PRKAA1: variants seen among roughly 807,000 people sequenced by gnomAD.
PRKAA1 encodes the protein protein kinase AMP-activated catalytic subunit alpha 1, also known as 5'-AMP-activated protein kinase catalytic subunit alpha-1.
A neutral mutation model predicts 56.9 loss-of-function variants in PRKAA1; 23 were observed. The ratio of observed to expected loss-of-function variants is 0.40; its 90% CI spans 0.29 to 0.57. The LOEUF is 0.57. Among genes scored for constraint, PRKAA1 ranks in the 20% least tolerant of loss-of-function variants. The pLI, the probability that PRKAA1 is intolerant of heterozygous loss-of-function variation, is 0.39. For missense variants in PRKAA1, 413 were observed against 679.7 expected (o/e 0.61, Z 4.36); for synonymous variants, 226 against 227.0 (o/e 1.00, Z 0.04).
intron 1 of PRKAA1, among the ~76,000 whole-genome samples, chr5:40,786,625 G>A (rs2112081483): frequency 6.6e-6 from 1 of 151,452 alleles, no homozygotes; most frequent in African/African-American, 2.4e-5. Context: ...CATACAATCT[G>A]AAGAAGAAAA....
intron 1 of PRKAA1, among the ~76,000 whole-genome samples, chr5:40,790,538 T>TTTTTTG (rs1554033607): frequency 3.4e-5 from 5 of 145,462 alleles, no homozygotes; most frequent in Non-Finnish European, 7.5e-5. Context: ...TTTTTTTTTT[T>TTTTTTG]TTGTTGTTGT....
chr5:40,786,408 T>G (rs1319021015), intron 1 of PRKAA1, among the ~76,000 whole-genome samples: 1 of 152,100 alleles, frequency 6.6e-6, no homozygotes, highest in African/African-American at 2.4e-5. Flanking sequence ...TGTAAGTCAT[T>G]GAGTCTGTGG....
At chr5:40,789,832 TTGGCC>T (rs1744643364) in intron 1 of PRKAA1, among the ~76,000 whole-genome samples, 1 of 152,264 alleles carries the variant, frequency 6.6e-6, no homozygotes, top group Non-Finnish European at 1.5e-5. Flanking sequence ...GATATACTAC[TTGGCC>T]TGATTTGATC....
intron 1 of PRKAA1, among the ~76,000 whole-genome samples, chr5:40,783,247 G>C (rs1744335366): frequency 6.6e-6 from 1 of 152,006 alleles, no homozygotes; most frequent in Non-Finnish European, 1.5e-5. Flanking sequence ...CAATTTCAGA[G>C]AACAGTTTAA....
intron 1 of PRKAA1, among the ~76,000 whole-genome samples, chr5:40,787,671 A>G (rs1344223093): frequency 6.6e-6 from 1 of 151,654 alleles, no homozygotes; most frequent in Non-Finnish European, 1.5e-5. Context: ...CCACAGGGTA[A>G]CTACAAAGCA....
At chr5:40,795,381 C>A (rs757811003) in intron 1 of PRKAA1, among the ~76,000 whole-genome samples, 2 of 152,052 alleles carry the variant, frequency 1.3e-5, no homozygotes, top group Non-Finnish European at 2.9e-5. Flanking sequence ...ACCCCAATAA[C>A]TTAAAGAAAA....
intron 3 of PRKAA1, among the ~76,000 whole-genome samples, chr5:40,774,749 C>T (rs1743915991): frequency 6.6e-6 from 1 of 152,072 alleles, no homozygotes; most frequent in Non-Finnish European, 1.5e-5. Flanking sequence ...GAAAAGCTCT[C>T]TTTTCAGGGC....
At chr5:40,779,807 G>A (rs1007687641) in intron 1 of PRKAA1, among the ~76,000 whole-genome samples, 1 of 152,090 alleles carries the variant, frequency 6.6e-6, no homozygotes, top group Non-Finnish European at 1.5e-5. Context: ...TTCATTTACT[G>A]AGCAAGTTTC....
chr5:40,769,902 C>T (rs1025562623), intron 4 of PRKAA1, among the ~76,000 whole-genome samples: 1 of 82,216 alleles, frequency 1.2e-5, no homozygotes, highest in Non-Finnish European at 2.5e-5. Context: ...AAAAAAAAAA[C>T]AGTAATTTTG....
chr5:40,765,321 G>A (rs1743377731), intron 6 of PRKAA1, 83 bp from the exon 7 acceptor site: 1 of 1,404,610 alleles, frequency 7.1e-7, no homozygotes, highest in Admixed American at 2.3e-5. Flanking sequence ...TTTAGAATAT[G>A]ACTTAATTTA....
At chr5:40,797,725 G>T (rs1417611837) in intron 1 of PRKAA1, among the ~76,000 whole-genome samples, 4 of 152,156 alleles carry the variant, frequency 2.6e-5, no homozygotes, top group Admixed American at 2.6e-4. Flanking sequence ...CGCGCCCGGC[G>T]CCCCCTCCCA....
chr5:40,787,719 C>A, intron 1 of PRKAA1, among the ~76,000 whole-genome samples: 1 of 148,396 alleles, frequency 6.7e-6, no homozygotes. Flanking sequence ...AAGAAAAAAT[C>A]CAAAGTGGAC....
At chr5:40,778,451 A>C (rs1043407057) in intron 1 of PRKAA1, among the ~76,000 whole-genome samples, 3 of 152,204 alleles carry the variant, frequency 2.0e-5, no homozygotes, top group African/African-American at 7.2e-5. Context: ...CTAGAAGACT[A>C]AAGGAAGAGG....
intron 1 of PRKAA1, among the ~76,000 whole-genome samples, chr5:40,796,979 GAAAA>G (rs35537516): frequency 6.7e-6 from 1 of 149,324 alleles, no homozygotes; most frequent in East Asian, 1.9e-4. Context: ...ATATGTTAAA[GAAAA>G]AAAAAATCAT....
At chr5:40,780,643 G>A (rs1744230157) in intron 1 of PRKAA1, among the ~76,000 whole-genome samples, 1 of 152,162 alleles carries the variant, frequency 6.6e-6, no homozygotes, top group Non-Finnish European at 1.5e-5. Context: ...GAGGCTGAAA[G>A]CCCAGGACCC....
intron 7 of PRKAA1, 51 bp from the exon 8 acceptor site, chr5:40,764,691 C>G (rs2111978886): frequency 6.2e-7 from 1 of 1,603,802 alleles, no homozygotes; most frequent in Non-Finnish European, 8.5e-7. Context: ...TTCTATAAAA[C>G]ATTTTATAGA....
Position 40,760,696 on chromosome 5 carries a change from T to C in PRKAA1, c.*2082A>G, listed in dbSNP as rs1743147390. The C allele has an allele frequency of 6.5e-6, 1 of 152,734 alleles. No individual in the cohort carries two copies. Among genetic ancestry groups the C allele is most frequent in the Non-Finnish European group, 1.5e-5 (1 of 67,982 alleles). The allele number at this position is 152,734 out of a possible 1,614,324, so 9.5% of individuals were successfully genotyped here. On this transcript the variant is annotated 3_prime_UTR_variant, in exon 9 of 9. Coordinates refer to ENST00000397128, the MANE Select transcript of PRKAA1 (RefSeq NM_006251.6). ...GACAAAAAGCAGCAAGATTTTTCTT[T>C]TGAATTCAGTGCATGATTCTAGAAG...
intron 1 of PRKAA1, among the ~76,000 whole-genome samples, chr5:40,785,422 T>C (rs908393831): frequency 1.3e-5 from 2 of 151,870 alleles, no homozygotes; most frequent in Non-Finnish European, 2.9e-5. Context: ...GTATGTTTAG[T>C]AGAGATGGGG....
At chr5:40,781,200 G>T (rs1444892207) in intron 1 of PRKAA1, among the ~76,000 whole-genome samples, 1 of 151,800 alleles carries the variant, frequency 6.6e-6, no homozygotes, top group Non-Finnish European at 1.5e-5. Context: ...AGAATTTAGG[G>T]ATTCTGATTT....
Sources: allele counts gnomAD v4.1 joint callset (sites outside exome capture counted in the v4.1 genomes callset), GRCh38; gene constraint gnomAD v4.1.1; transcripts MANE v1.5; gene names NCBI Gene and HGNC (gene_info 2026-07-23, HGNC 2026-07-21).